Variants in TENM3 observed in about 807,000 individuals in gnomAD.
The protein encoded by TENM3 is teneurin transmembrane protein 3.
TENM3 carries 63 observed loss-of-function variants against 255.1 expected under a neutral mutation model. The observed-to-expected ratio is 0.25, with a 90% CI of 0.20 to 0.30. TENM3 has a LOEUF of 0.30. TENM3 is among the 10% of genes least tolerant of loss of function. The pLI is 1.00. For missense variants in TENM3, 2,929 were observed against 3,461.1 expected, an observed-to-expected ratio of 0.85 and a Z score of 3.86; for synonymous variants, 1,306 against 1,322.3, an observed-to-expected ratio of 0.99 and a Z score of 0.27.
At chr4:181,813,646 A>G in the TENM3 span, among the ~76,000 whole-genome samples, 1 of 152,224 alleles carries the variant, frequency 6.6e-6, no homozygotes. Flanking sequence ...ATGGATTTCA[A>G]TGTAAGAAAG....
chr4:182,451,126 C>T (rs1773421227), intron 3 of TENM3, among the ~76,000 whole-genome samples: 1 of 152,088 alleles, frequency 6.6e-6, no homozygotes, highest in Admixed American at 6.6e-5. Context: ...GGCCATAATT[C>T]AAATGATATT....
chr4:182,577,744 G>T (rs1041427061), intron 3 of TENM3, among the ~76,000 whole-genome samples: 1 of 152,116 alleles, frequency 6.6e-6, no homozygotes, highest in Non-Finnish European at 1.5e-5. Flanking sequence ...TGGTTTTCAT[G>T]CACATAGGTA....
chr4:181,812,580 C>G, the TENM3 span, among the ~76,000 whole-genome samples: 5 of 152,186 alleles, frequency 3.3e-5, no homozygotes, highest in African/African-American at 1.2e-4. Flanking sequence ...ATTTCACTTT[C>G]TGTGCACTCT....
chr4:182,779,114 A>C (rs979606770), intron 24 of TENM3, among the ~76,000 whole-genome samples: 4 of 143,128 alleles, frequency 2.8e-5, no homozygotes, highest in African/African-American at 7.9e-5. Context: ...TGTGTAGGTT[A>C]GTTACATATG....
intron 1 of TENM3, among the ~76,000 whole-genome samples, chr4:182,191,044 G>T (rs1753485851): frequency 6.6e-6 from 1 of 152,072 alleles, no homozygotes; most frequent in Non-Finnish European, 1.5e-5. Flanking sequence ...GTTGATTTCT[G>T]TTCAGAGCAG....
At chr4:181,482,550 A>G in the TENM3 span, among the ~76,000 whole-genome samples, 1 of 152,132 alleles carries the variant, frequency 6.6e-6, no homozygotes, top group Non-Finnish European at 1.5e-5. Flanking sequence ...ATAAATCCCT[A>G]ACTGTAAGGT....
intron 3 of TENM3, among the ~76,000 whole-genome samples, chr4:182,378,537 C>T (rs1767339003): frequency 6.6e-6 from 1 of 152,108 alleles, no homozygotes; most frequent in Non-Finnish European, 1.5e-5. Flanking sequence ...AGTTAGATAA[C>T]ATAGCAGGAG....
At chr4:182,371,402 G>A (rs1235102256) in intron 3 of TENM3, among the ~76,000 whole-genome samples, 4 of 152,118 alleles carry the variant, frequency 2.6e-5, no homozygotes, top group African/African-American at 9.7e-5. Flanking sequence ...AAACCGTGGT[G>A]TCTGCCCTCA....
the TENM3 span, among the ~76,000 whole-genome samples, chr4:181,553,412 T>G: frequency 2.6e-5 from 4 of 151,954 alleles, no homozygotes; most frequent in Non-Finnish European, 5.9e-5. Context: ...GCCTTGGCAA[T>G]TCAATGGTGA....
At chr4:181,604,025 G>T in the TENM3 span, among the ~76,000 whole-genome samples, 2 of 152,198 alleles carry the variant, frequency 1.3e-5, no homozygotes, top group Non-Finnish European at 2.9e-5. Flanking sequence ...AGCACTTTGG[G>T]AGGCCGAGGA....
At chr4:182,775,578 G>C (rs1241282282) in intron 24 of TENM3, among the ~76,000 whole-genome samples, 1 of 152,118 alleles carries the variant, frequency 6.6e-6, no homozygotes, top group Non-Finnish European at 1.5e-5. Flanking sequence ...TGCTTCCCAG[G>C]GCCCCTGCTG....
At chr4:181,767,246 C>A in the TENM3 span, among the ~76,000 whole-genome samples, 685 of 113,634 alleles carry the variant, frequency 6.0e-3, 8 homozygotes, top group African/African-American at 0.022. Flanking sequence ...TGCGAGACTC[C>A]GTCTCAAAAA....
At chr4:182,123,393 T>A in the TENM3 span, among the ~76,000 whole-genome samples, 1 of 152,230 alleles carries the variant, frequency 6.6e-6, no homozygotes, top group African/African-American at 2.4e-5. Context: ...CTAAGCTTAA[T>A]CATTTCTAGC....
chr4:182,670,928 T>G lies in TENM3; in HGVS notation c.1112-2077T>G, dbSNP rs186532031. Among the ~76,000 whole-genome samples, 8 of 152,304 alleles carry G rather than the reference T, an allele frequency of 5.3e-5. No homozygotes were observed. The East Asian group carries it at 1.5e-3, about 29-fold the overall frequency. On this transcript the variant is annotated intron_variant, in intron 6 of 27. Transcript: ENST00000511685. ...AACATACCATAAATGACATGCACAG[T>G]AACAGAATACTAGTAAATATATACA...
chr4:182,612,271 CAAAA>C, intron 4 of TENM3, among the ~76,000 whole-genome samples: 1 of 67,030 alleles, frequency 1.5e-5, no homozygotes, highest in South Asian at 4.8e-4. Flanking sequence ...GACTCGGTCT[CAAAA>C]AAAAAAAAAA....
chr4:181,980,352 GT>G, the TENM3 span: 51 of 152,110 alleles, frequency 3.4e-4, 1 homozygote, highest in Admixed American at 2.0e-3. Context: ...GGAAGTTGTG[GT>G]CTGGAAGGGG....
chr4:182,778,300 T>A lies in TENM3; in HGVS notation c.5304+3147T>A, dbSNP rs533657056. On this transcript the variant is annotated intron_variant, in intron 24 of 27. Coordinates refer to ENST00000511685, the MANE Select transcript of TENM3 (RefSeq NM_001080477.4). The stretch of plus-strand genomic sequence containing the variant: ...CATTTTAAAAAAGAAAATCTCAAAA[T>A]TTGAAAGCCAAACGTGTGTTTAAAG... 6.7e-3 allele frequency among the ~76,000 whole-genome samples: 1,024 copies of A among 152,240 alleles called. 19 individuals are homozygous for A. The highest frequency in any genetic ancestry group is 0.023 in the African/African-American group (968 of 41,540).
chr4:182,773,115 T>C (rs950564218), intron 22 of TENM3, among the ~76,000 whole-genome samples: 1 of 152,188 alleles, frequency 6.6e-6, no homozygotes, highest in Admixed American at 6.5e-5. Flanking sequence ...TAACAGTGAA[T>C]TAAATCTACT....
chr4:182,304,412 C>T (rs1762018842), intron 1 of TENM3, among the ~76,000 whole-genome samples: 1 of 152,058 alleles, frequency 6.6e-6, no homozygotes, highest in Non-Finnish European at 1.5e-5. Context: ...TGGGGTTTCA[C>T]CGTGTTAGCC....
Sources: allele counts gnomAD v4.1 joint callset (sites outside exome capture counted in the v4.1 genomes callset), GRCh38; gene constraint gnomAD v4.1.1; transcripts MANE v1.5; gene names NCBI Gene and HGNC (gene_info 2026-07-23, HGNC 2026-07-21).